DYNC2H1: variants seen among roughly 807,000 people sequenced by gnomAD.
The protein encoded by DYNC2H1 is cytoplasmic dynein 2 heavy chain 1.
DYNC2H1 carries 410 observed loss-of-function variants against 570.0 expected under a neutral mutation model. The observed-to-expected ratio is 0.72, with a 90% CI of 0.66 to 0.78. The LOEUF is 0.78. Among genes scored for constraint, DYNC2H1 ranks in the 30% least tolerant of loss-of-function variants. The probability of loss-of-function intolerance (pLI) is 0.00; values close to 1 mark genes in which losing one functional copy is unlikely to be tolerated. For synonymous variants in DYNC2H1, 1,688 were observed against 1,677.6 expected (o/e 1.01, Z -0.15); for missense variants, 4,865 against 5,046.4 (o/e 0.96, Z 1.09).
At chr11:103,283,134 AT>A (rs751466579) in intron 73 of DYNC2H1, 49 bp downstream of exon 73, 2 of 1,451,754 alleles carry the variant, frequency 1.4e-6, no homozygotes, top group South Asian at 2.5e-5. Flanking sequence ...CTGTATTTGC[AT>A]TGTTTCTGTT....
intron 83 of DYNC2H1, among the ~76,000 whole-genome samples, chr11:103,380,312 C>G (rs1941587579): frequency 6.6e-6 from 1 of 152,146 alleles, no homozygotes; most frequent in Non-Finnish European, 1.5e-5. Context: ...AACCACTTCC[C>G]TCTCCAGTCA....
chr11:103,306,120 C>CAAAACT (rs1390681468), intron 77 of DYNC2H1, among the ~76,000 whole-genome samples: 2 of 152,126 alleles, frequency 1.3e-5, no homozygotes, highest in African/African-American at 4.8e-5. Context: ...CCATTGTTGG[C>CAAAACT]CAGGCTGGTC....
intron 47 of DYNC2H1, 25 bp downstream of exon 47, chr11:103,192,289 T>G: frequency 7.0e-7 from 1 of 1,431,704 alleles, no homozygotes; most frequent in Non-Finnish European, 9.3e-7. Context: ...CTTATGCAAA[T>G]ACATAACTAT....
intron 65 of DYNC2H1, among the ~76,000 whole-genome samples, chr11:103,250,206 T>C (rs992530246): frequency 6.6e-6 from 1 of 152,064 alleles, no homozygotes; most frequent in Non-Finnish European, 1.5e-5. Flanking sequence ...TTAAATAATA[T>C]TCTCATCTTT....
intron 85 of DYNC2H1, among the ~76,000 whole-genome samples, chr11:103,451,633 G>A (rs1944608496): frequency 6.6e-6 from 1 of 151,908 alleles, no homozygotes; most frequent in African/African-American, 2.4e-5. Flanking sequence ...GCCCAGCCAA[G>A]GCTTGTATAT....
intron 65 of DYNC2H1, among the ~76,000 whole-genome samples, chr11:103,246,283 T>A (rs1007841654): frequency 6.6e-6 from 1 of 152,030 alleles, no homozygotes; most frequent in Non-Finnish European, 1.5e-5. Context: ...GTAACTCAGA[T>A]CTGCTGAGCT....
chr11:103,381,371 A>G (rs1391383159), intron 83 of DYNC2H1, among the ~76,000 whole-genome samples: 1 of 152,214 alleles, frequency 6.6e-6, no homozygotes, highest in Non-Finnish European at 1.5e-5. Context: ...TTGTGCATTT[A>G]TAAAAGCCTG....
In DYNC2H1 at chr11:103,455,257, A is replaced by C. The variant is rs759623956; in HGVS notation, c.12528A>C (p.Pro4176=). 11 of 1,613,408 alleles carry C rather than the reference A, an allele frequency of 6.8e-6. No individual in the cohort carries two copies. The highest frequency in any genetic ancestry group is 2.7e-5 in the African/African-American group (2 of 74,900). The stretch of plus-strand genomic sequence containing the variant: ...TTGACCTATCAGAACTTTTCCATCC[A>C]GACACATTTCTTAATGCTCTTCGCC... ...ETLDLSELFH[P]DTFLNALRQE... is the part of the protein sequence containing the mutation. The change falls in exon 86 of 89, where the codon CCA becomes CCC. Residue 4176 remains proline, a synonymous_variant. Coordinates refer to ENST00000375735, the MANE Select transcript of DYNC2H1 (RefSeq NM_001377.3).
intron 47 of DYNC2H1, among the ~76,000 whole-genome samples, chr11:103,194,430 G>A (rs562915574): frequency 1.3e-5 from 2 of 152,212 alleles, no homozygotes; most frequent in African/African-American, 4.8e-5. Context: ...TGTAATAAAT[G>A]CTCAGGAATG....
rs1010027447 is a variant in DYNC2H1, at chr11:103,147,273, AT to A, written c.2703-491del. Among the ~76,000 whole-genome samples, 48 of 151,600 alleles carry A rather than the reference AT, an allele frequency of 3.2e-4. 1 individual carries two copies. The highest frequency in any genetic ancestry group is 6.3e-4 in the Non-Finnish European group (43 of 67,810). On this transcript the variant is annotated intron_variant, in intron 18 of 88. Coordinates refer to ENST00000375735, the MANE Select transcript of DYNC2H1 (RefSeq NM_001377.3). ...AAGATTCAAAGTAACCATTCATTAC[AT>A]TTTTTTTCAATTTGATAAGTGTAAA...
At chr11:103,342,157 G>A (rs1939473864) in intron 82 of DYNC2H1, among the ~76,000 whole-genome samples, 1 of 151,998 alleles carries the variant, frequency 6.6e-6, no homozygotes, top group Non-Finnish European at 1.5e-5. Flanking sequence ...AAACTTTTCT[G>A]TCTTACAAGA....
At chr11:103,435,784 A>G (rs929326283) in intron 84 of DYNC2H1, among the ~76,000 whole-genome samples, 159 bp from the exon 85 acceptor site, 7 of 152,244 alleles carry the variant, frequency 4.6e-5, no homozygotes, top group Admixed American at 4.6e-4. Context: ...ACATTAATTC[A>G]TGCTGTCTCT....
intron 18 of DYNC2H1, among the ~76,000 whole-genome samples, chr11:103,146,238 G>C (rs1199656071): frequency 6.6e-6 from 1 of 152,078 alleles, no homozygotes; most frequent in Non-Finnish European, 1.5e-5. Flanking sequence ...TGCCTCTTAA[G>C]GATCTCACCT....
intron 81 of DYNC2H1, among the ~76,000 whole-genome samples, chr11:103,322,287 CCAA>C (rs1437704746): frequency 6.6e-6 from 1 of 151,984 alleles, no homozygotes; most frequent in East Asian, 1.9e-4. Context: ...ATAGTGTACC[CCAA>C]CAAGTTTTCC....
At position 103,190,687 on chromosome 11, in the gene DYNC2H1, A is replaced by T. The variant is rs903178640; in HGVS notation, c.7438-830A>T. Among the ~76,000 whole-genome samples, 19 of 152,206 alleles carry T rather than the reference A, an allele frequency of 1.2e-4. No individual in the cohort carries two copies. In the South Asian group the frequency reaches 2.1e-3, roughly 17 times the overall value. On this transcript the variant is annotated intron_variant, in intron 45 of 88. Coordinates refer to ENST00000375735, the MANE Select transcript of DYNC2H1 (RefSeq NM_001377.3). ...TTAAAAGCAAGAAATTCCTTTTTTT[A>T]AAAAAATAAAGATGTTAAGTAATCA... is the stretch of plus-strand genomic sequence containing the variant.
chr11:103,138,760 A>G (rs1229252695), intron 17 of DYNC2H1, among the ~76,000 whole-genome samples: 1 of 152,014 alleles, frequency 6.6e-6, no homozygotes, highest in African/African-American at 2.4e-5. Flanking sequence ...CTCTTTTTCT[A>G]TTGATTGGAA....
Position 103,151,022 on chromosome 11 carries a change from TC to T in DYNC2H1, c.2947-1113del, listed in dbSNP as rs1269666860. On this transcript the variant is annotated intron_variant, in intron 20 of 88. Transcript: ENST00000375735. This position sits in a 1 kb window ranked among gnomAD's most constrained non-coding sequence, Gnocchi z 4.6. ...TATATAGCAAAGTATTATATAATTCTCTTTTGGTATGTCTATTTGTTGGTAT... is the reference window on the plus strand; with the variant it reads ...TATATAGCAAAGTATTATATAATTCTTTTTGGTATGTCTATTTGTTGGTAT... 1.3e-5 allele frequency among the ~76,000 whole-genome samples: 2 copies of T among 152,172 alleles called. No homozygotes were observed. Among genetic ancestry groups the T allele is most frequent in the Non-Finnish European group, 2.9e-5 (2 of 68,024 alleles).
chr11:103,125,722 A>G (rs1444967392), intron 12 of DYNC2H1, among the ~76,000 whole-genome samples: 1 of 152,276 alleles, frequency 6.6e-6, no homozygotes, highest in East Asian at 1.9e-4. Context: ...CTAAAAATCA[A>G]CTATTATCAG....
At chr11:103,328,448 T>C (rs1028855903) in intron 82 of DYNC2H1, among the ~76,000 whole-genome samples, 2 of 152,330 alleles carry the variant, frequency 1.3e-5, no homozygotes, top group Admixed American at 6.5e-5. Flanking sequence ...AATATTCAGA[T>C]ACTACAAAGT....
Sources: allele counts gnomAD v4.1 joint callset (sites outside exome capture counted in the v4.1 genomes callset), GRCh38; gene constraint gnomAD v4.1.1; non-coding constraint Gnocchi (gnomAD v3.1); transcripts MANE v1.5; gene names NCBI Gene and HGNC (gene_info 2026-07-23, HGNC 2026-07-21).